Variants in MUC5AC observed in about 807,000 individuals in gnomAD.
MUC5AC encodes the protein mucin 5AC, oligomeric mucus/gel-forming, also known as mucin-5AC.
MUC5AC carries 158 observed loss-of-function variants against 169.7 expected under a neutral mutation model. The observed-to-expected ratio is 0.93, with a 90% CI of 0.82 to 1.06. MUC5AC has a LOEUF of 1.06. Ranked by LOEUF, MUC5AC falls within the 50% of genes least tolerant of loss-of-function variation. MUC5AC has a pLI of 0.00. For synonymous variants in MUC5AC, 1,975 were observed against 1,237.0 expected (o/e 1.60, Z -12.52); for missense variants, 4,359 against 3,089.9 (o/e 1.41, Z -9.74).
intron 26 of MUC5AC, 44 bp from the exon 27 acceptor site, chr11:1,179,978 G>A: frequency 5.0e-6 from 2 of 398,602 alleles, no homozygotes; most frequent in Admixed American, 4.4e-5. Context: ...GCCTCTGCGA[G>A]TGAGTTCCTG....
At position 1,188,805 on chromosome 11, in the gene MUC5AC, G is replaced by A. The variant is rs1861015512; in HGVS notation, c.10660G>A (p.Gly3554Arg). The change falls in exon 31 of 49, where the codon GGG becomes AGG. Residue 3554 changes from glycine to arginine, a missense_variant. By Grantham distance (125) the Gly-to-Arg change is moderately radical. Transcript: ENST00000621226. ...KETYNNIIRSGEKICRRPEEI... is the reference protein window; with the variant it reads ...KETYNNIIRSREKICRRPEEI... ...AACCTACAACAACATCATCAGGAGT[G>A]GGGAAAAAATCTGCCGCCGACCTGA... The A allele has an allele frequency of 4.0e-6, 3 of 753,952 alleles. 1 individual carries two copies. The South Asian group carries it at 4.1e-5, about 10-fold the overall frequency. 46.7% of individuals were successfully genotyped at this position (753,952 alleles called of 1,614,324 possible). A position where few individuals can be genotyped will look rare whatever the true frequency, so the allele number is the denominator to read the frequency against.
At chr11:1,165,508 T>A in intron 10 of MUC5AC, 89 bp downstream of exon 10, 1 of 1,578,278 alleles carries the variant, frequency 6.3e-7, no homozygotes, top group Non-Finnish European at 8.6e-7. Flanking sequence ...GGCTCCCTCG[T>A]CTGGGCTACG....
At position 1,194,411 on chromosome 11, in the gene MUC5AC, C is replaced by T. The variant is rs376039660; in HGVS notation, c.15006+51C>T. 2.2e-4 allele frequency: 159 copies of T among 709,824 alleles called. 3 individuals carry two copies. Among genetic ancestry groups the T allele is most frequent in the South Asian group, 1.8e-3 (121 of 68,906 alleles). The allele number at this position is 709,824 out of a possible 1,614,324, so 44.0% of individuals were successfully genotyped here. A position where few individuals can be genotyped will look rare whatever the true frequency, so the allele number is the denominator to read the frequency against. On this transcript the variant is annotated intron_variant, in intron 34 of 48. Coordinates refer to ENST00000621226, the MANE Select transcript of MUC5AC (RefSeq NM_001304359.2). ...GAGGGGGTGGGGGACGCGGCTTTCCCGGCAAGAGCCTGAGCAGCGGCTGAC... is the reference window on the plus strand; with the variant it reads ...GAGGGGGTGGGGGACGCGGCTTTCCTGGCAAGAGCCTGAGCAGCGGCTGAC...
rs769984512 is a variant in MUC5AC, at chr11:1,169,061, G to A, written c.1870+35G>A. The A allele has an allele frequency of 2.4e-5, 36 of 1,509,054 alleles. No individual in the cohort carries two copies. In the East Asian group the frequency reaches 3.3e-4, roughly 14 times the overall value. 93.5% of individuals were successfully genotyped at this position (1,509,054 alleles called of 1,614,324 possible). ...TCCACGGCTCGCCTCTGTGCTGGCC[G>A]CCTGGCGCTGGTTCACCCGCTTCCA... On this transcript the variant is annotated intron_variant, in intron 15 of 48. Coordinates refer to ENST00000621226, the MANE Select transcript of MUC5AC (RefSeq NM_001304359.2).
At chr11:1,194,405 C>G in intron 34 of MUC5AC, 45 bp downstream of exon 34, 1 of 709,520 alleles carries the variant, frequency 1.4e-6, no homozygotes, top group Non-Finnish European at 2.6e-6. Context: ...GGGGACGCGG[C>G]TTTCCCGGCA....
intron 3 of MUC5AC, 103 bp from the exon 4 acceptor site, chr11:1,161,804 C>G: frequency 6.8e-7 from 1 of 1,475,598 alleles, no homozygotes. Flanking sequence ...AGCAGCACTT[C>G]CTGCAGGACC....
chr11:1,168,581 G>A lies in MUC5AC; in HGVS notation c.1567+29G>A, dbSNP rs558565517. 7.3e-5 allele frequency: 118 copies of A among 1,612,368 alleles called. No individual in the cohort carries two copies. The South Asian group carries it at 1.0e-3, about 14-fold the overall frequency. ...AGGGCAGTGGCTTCTTCCCCACCCC[G>A]GGGCTGCCTGGGGTCCCGCCCCACA... is the stretch of plus-strand genomic sequence containing the variant. On this transcript the variant is annotated intron_variant, in intron 13 of 48. Transcript: ENST00000621226.
chr11:1,164,037 G>A (rs568070699), intron 7 of MUC5AC, 46 bp downstream of exon 7: 3 of 1,609,256 alleles, frequency 1.9e-6, no homozygotes, highest in Non-Finnish European at 2.5e-6. Flanking sequence ...GAGCAGGAGG[G>A]GTTGTGAGCC....
chr11:1,171,252 AT>A (rs2133734844), intron 15 of MUC5AC, among the ~76,000 whole-genome samples: 11 of 125,510 alleles, frequency 8.8e-5, no homozygotes, highest in African/African-American at 1.2e-4. Context: ...TCACCCACTC[AT>A]CCACTCACCC....
rs1426111284 is a variant in MUC5AC, at chr11:1,199,771, AC to A, written c.16585+10del. On this transcript the variant is annotated splice_region_variant and intron_variant, in intron 47 of 48. Coordinates refer to ENST00000621226, the MANE Select transcript of MUC5AC (RefSeq NM_001304359.2). ...CCGCCCCCGTACCAGAACCGTGAGT[AC>A]CCAGCCTGCTGGGCGGGGCGGGCTC... 2.2e-3 allele frequency: 1,582 copies of A among 716,918 alleles called. 12 individuals are homozygous for A. The highest frequency in any genetic ancestry group is 0.018 in the African/African-American group (1,066 of 57,916). 44.4% of individuals were successfully genotyped at this position (716,918 alleles called of 1,614,324 possible). A position where few individuals can be genotyped will look rare whatever the true frequency, so the allele number is the denominator to read the frequency against.
intron 11 of MUC5AC, among the ~76,000 whole-genome samples, chr11:1,167,185 C>T (rs1564908378): frequency 6.9e-6 from 1 of 145,406 alleles, no homozygotes. Context: ...CACACAGTCT[C>T]TGCACGATGA....
intron 6 of MUC5AC, 58 bp downstream of exon 6, chr11:1,163,103 G>C: frequency 1.3e-6 from 2 of 1,488,644 alleles, no homozygotes; most frequent in South Asian, 1.1e-5. Context: ...GCTCAGTGTT[G>C]TGTGCACACA....
chr11:1,162,770 A>C (rs1324828309), intron 5 of MUC5AC, 124 bp downstream of exon 5: 1 of 1,027,560 alleles, frequency 9.7e-7, no homozygotes, highest in Non-Finnish European at 1.5e-6. Context: ...TCCACCCCAC[A>C]CAGCAGGCAA....
chr11:1,187,278 A>G lies in MUC5AC; in HGVS notation c.9133A>G (p.Thr3045Ala), dbSNP rs1860975974. Reference sequence around the variant, plus strand: ...AACCTCTACCCCTACAAGCAGCACAACCTCCTCTCCACAGACCAGCACAAC... The same window carrying G: ...AACCTCTACCCCTACAAGCAGCACAGCCTCCTCTCCACAGACCAGCACAAC... ...STTSTPTSST[T>A]SSPQTSTTSA... The change falls in exon 31 of 49, where the codon ACC becomes GCC. Residue 3045 changes from threonine to alanine, a missense_variant. Thr to Ala is a moderately conservative substitution (Grantham distance 58, BLOSUM62 0). Transcript: ENST00000621226. 1 of 696,536 alleles carries G rather than the reference A, an allele frequency of 1.4e-6. No homozygotes were observed. Among genetic ancestry groups the G allele is most frequent in the East Asian group, 2.7e-5 (1 of 36,502 alleles). The allele number at this position is 696,536 out of a possible 1,614,324, so 43.1% of individuals were successfully genotyped here. A position where few individuals can be genotyped will look rare whatever the true frequency, so the allele number is the denominator to read the frequency against.
Position 1,194,333 on chromosome 11 carries a change from G to A in MUC5AC, c.14979G>A (p.Lys4993=), listed in dbSNP as rs1017976423. Residue 4993 remains lysine (K), a synonymous_variant, in exon 34 of 49, where the codon AAG becomes AAA. Coordinates refer to ENST00000621226, the MANE Select transcript of MUC5AC (RefSeq NM_001304359.2). ...AGGACCGCGTGGTGCTGACCCGCAA[G>A]CCAGTCCACGGGGTGATGACAAACG... ...YHQDRVVLTR[K]PVHGVMTNEI... is the part of the protein sequence containing the mutation. 2.7e-6 allele frequency: 2 copies of A among 737,248 alleles called. No homozygotes were observed. The highest frequency in any genetic ancestry group is 1.7e-5 in the African/African-American group (1 of 58,472). The allele number at this position is 737,248 out of a possible 1,614,324, so 45.7% of individuals were successfully genotyped here. A position where few individuals can be genotyped will look rare whatever the true frequency, so the allele number is the denominator to read the frequency against.
chr11:1,196,979 G>A (rs998902403), intron 40 of MUC5AC, 71 bp downstream of exon 40: 33 of 720,100 alleles, frequency 4.6e-5, no homozygotes, highest in African/African-American at 4.3e-4. Flanking sequence ...TTGAAACACC[G>A]GCCCCAGAAA....
In MUC5AC at chr11:1,198,018, A is replaced by G. The variant is rs779632618; in HGVS notation, c.16135+14A>G. On this transcript the variant is annotated intron_variant, in intron 42 of 48. Transcript: ENST00000621226. ...TCCAAAACTGCAGTGAGTGGCCTGGACCAGGCCCTGTCAGGGGCCGTGGGC... is the reference window on the plus strand; with the variant it reads ...TCCAAAACTGCAGTGAGTGGCCTGGGCCAGGCCCTGTCAGGGGCCGTGGGC... 1.3e-5 allele frequency: 9 copies of G among 669,252 alleles called. No homozygotes were observed. Among genetic ancestry groups the G allele is most frequent in the Non-Finnish European group, 2.2e-5 (8 of 368,814 alleles). The allele number at this position is 669,252 out of a possible 1,614,324, so 41.5% of individuals were successfully genotyped here. A position where few individuals can be genotyped will look rare whatever the true frequency, so the allele number is the denominator to read the frequency against.
rs1860614536 is a variant in MUC5AC at position 1,173,885 on chromosome 11, CACTCATCCACTCATT to C, written c.1966-597_1966-583del. 2.7e-5 allele frequency among the ~76,000 whole-genome samples: 4 copies of C among 147,676 alleles called. No homozygotes were observed. In the South Asian group the frequency reaches 6.3e-4, roughly 23 times the overall value. ...TCATTCATCCACTCACTCACCCACT[CACTCATCCACTCATT>C]ACTCATCCACTCACTTACTCATCCA... On this transcript the variant is annotated intron_variant, in intron 16 of 48. Coordinates refer to ENST00000621226, the MANE Select transcript of MUC5AC (RefSeq NM_001304359.2).
rs1200479569 is a variant in MUC5AC, at chr11:1,199,874, C to G, written c.16605C>G (p.Tyr5535Ter). 1.3e-6 allele frequency: 1 copy of G among 764,290 alleles called. No homozygotes were observed. The highest frequency in any genetic ancestry group is 1.7e-5 in the Admixed American group (1 of 58,910). The allele number at this position is 764,290 out of a possible 1,614,324, so 47.3% of individuals were successfully genotyped here. A position where few individuals can be genotyped will look rare whatever the true frequency, so the allele number is the denominator to read the frequency against. ...CTCCAGAGTCGACCTGTGCTGTGTACCATAGGAGCCTGATCATCCAGCAGC... is the reference window on the plus strand; with the variant it reads ...CTCCAGAGTCGACCTGTGCTGTGTAGCATAGGAGCCTGATCATCCAGCAGC... ...PYQNQSTCAV[Y>*]HRSLIIQQQG... Residue 5535 changes from tyrosine to a stop codon, truncating the protein, a stop_gained, in exon 48 of 49, where the codon TAC becomes TAG. Coordinates refer to ENST00000621226, the MANE Select transcript of MUC5AC (RefSeq NM_001304359.2). LOFTEE classifies it high-confidence loss of function.
Sources: allele counts gnomAD v4.1 joint callset (sites outside exome capture counted in the v4.1 genomes callset), GRCh38; gene constraint gnomAD v4.1.1; transcripts MANE v1.5; gene names NCBI Gene and HGNC (gene_info 2026-07-23, HGNC 2026-07-21).